Variants in BPTF observed in about 807,000 individuals in gnomAD.
The protein encoded by BPTF is nucleosome-remodeling factor subunit BPTF.
In BPTF, 18 loss-of-function variants were observed where a neutral mutation model predicts 292.5. The observed-to-expected ratio is 0.06, with a 90% CI of 0.04 to 0.09. The LOEUF is 0.09. BPTF is among the 10% of genes least tolerant of loss of function. BPTF has a pLI of 1.00. For synonymous variants in BPTF, 1,225 were observed against 1,251.9 expected (o/e 0.98, Z 0.45); for missense variants, 2,726 against 3,498.7 (o/e 0.78, Z 5.57).
At chr17:67,907,160 G>C (rs1015597864) in intron 9 of BPTF, among the ~76,000 whole-genome samples, 4 of 150,176 alleles carry the variant, frequency 2.7e-5, no homozygotes, top group African/African-American at 9.8e-5. Flanking sequence ...GCTCCAGCCT[G>C]GGTGACAGAG....
At chr17:67,853,167 TCA>T (rs2058511534) in intron 1 of BPTF, among the ~76,000 whole-genome samples, 1 of 152,198 alleles carries the variant, frequency 6.6e-6, no homozygotes, top group African/African-American at 2.4e-5. Context: ...AACAAAACTC[TCA>T]GTTATTTATA....
intron 9 of BPTF, among the ~76,000 whole-genome samples, chr17:67,907,210 T>G (rs6504551): frequency 0.39 from 55,371 of 141,784 alleles, 12,930 homozygotes; most frequent in East Asian, 0.71. Context: ...AACCTTTAAG[T>G]CCCAAGAATA....
At chr17:67,895,335 A>C (rs2061370142) in intron 7 of BPTF, among the ~76,000 whole-genome samples, 2 of 112,236 alleles carry the variant, frequency 1.8e-5, no homozygotes, top group African/African-American at 1.2e-4. Context: ...TTCATCTCAA[A>C]AAAAAAAAAA....
In BPTF at chr17:67,826,096, G is replaced by A. The variant is rs557024472; in HGVS notation, c.372G>A (p.Val124=). 1 of 1,374,688 alleles carries A rather than the reference G, an allele frequency of 7.3e-7. No individual in the cohort carries two copies. The highest frequency in any genetic ancestry group is 1.0e-6 in the Non-Finnish European group (1 of 984,426). The allele number at this position is 1,374,688 out of a possible 1,614,324, so 85.2% of individuals were successfully genotyped here. ...TTAARRAVNK[V]VYDDHESEEE... ...CGGCCCGGAGGGCCGTCAACAAAGT[G>A]GTGTACGATGACCACGAGAGCGAGG... Residue 124 remains valine, a synonymous_variant, in exon 1 of 28, where the codon GTG becomes GTA. Transcript: ENST00000306378.
intron 27 of BPTF, among the ~76,000 whole-genome samples, chr17:67,977,454 G>A (rs2069637919): frequency 6.6e-6 from 1 of 152,040 alleles, no homozygotes; most frequent in East Asian, 1.9e-4. Flanking sequence ...GGCACAGGCT[G>A]CAGTGAGCTG....
intron 4 of BPTF, among the ~76,000 whole-genome samples, chr17:67,882,124 C>T (rs1241187735): frequency 1.3e-5 from 2 of 152,100 alleles, no homozygotes; most frequent in Admixed American, 6.6e-5. Flanking sequence ...CGTGAGCTAC[C>T]GTGCTGGCCG....
intron 20 of BPTF, 69 bp downstream of exon 20, chr17:67,944,441 C>A: frequency 6.6e-7 from 1 of 1,514,664 alleles, no homozygotes; most frequent in South Asian, 1.2e-5. Flanking sequence ...CAGAGGCCAA[C>A]AGGAGAACCA....
At chr17:67,886,172 A>T in intron 4 of BPTF, 3 of 1,613,290 alleles carry the variant, frequency 1.9e-6, no homozygotes, top group Non-Finnish European at 2.5e-6. Flanking sequence ...TAGTGCTACC[A>T]CTACCTCCAT....
chr17:67,850,961 C>T (rs537347687), intron 1 of BPTF, among the ~76,000 whole-genome samples: 1 of 152,070 alleles, frequency 6.6e-6, no homozygotes, highest in South Asian at 2.1e-4. Flanking sequence ...ATATAATAAA[C>T]AAATGATATA....
At chr17:67,886,291 A>G (rs2060743427) in intron 4 of BPTF, 1 of 1,613,094 alleles carries the variant, frequency 6.2e-7, no homozygotes, top group Non-Finnish European at 8.5e-7. Flanking sequence ...AATCTCATAC[A>G]CCTGTCTCTA....
intron 4 of BPTF, among the ~76,000 whole-genome samples, chr17:67,876,353 C>T (rs909319241): frequency 1.3e-5 from 2 of 152,276 alleles, no homozygotes; most frequent in East Asian, 3.9e-4. Context: ...CTTATGGGGA[C>T]GACTTCCATT....
intron 17 of BPTF, among the ~76,000 whole-genome samples, chr17:67,930,279 A>G (rs1005090836): frequency 6.6e-6 from 1 of 151,946 alleles, no homozygotes; most frequent in Admixed American, 6.6e-5. Context: ...GCTCACTGCA[A>G]ACTCCACCTC....
intron 4 of BPTF, among the ~76,000 whole-genome samples, chr17:67,879,615 C>T (rs917830521): frequency 6.6e-6 from 1 of 152,070 alleles, no homozygotes; most frequent in Non-Finnish European, 1.5e-5. Flanking sequence ...AAAGAGATTT[C>T]TTTGGCTATG....
Position 67,854,700 on chromosome 17 carries a change from T to C in BPTF, c.1374T>C (p.His458=), listed in dbSNP as rs2058589751. 1 of 1,614,194 alleles carries C rather than the reference T, an allele frequency of 6.2e-7. No homozygotes were observed. Among genetic ancestry groups the C allele is most frequent in the Non-Finnish European group, 8.5e-7 (1 of 1,180,038 alleles). The change falls in exon 2 of 28, where the codon CAT becomes CAC. Residue 458 remains histidine (H), a synonymous_variant. Coordinates refer to ENST00000306378, the MANE Select transcript of BPTF (RefSeq NM_182641.4). The surrounding 1 kb of genome is among the most constrained non-coding windows in gnomAD (Gnocchi z 5.6). Reference sequence around the variant, plus strand: ...AAAAAAATAAACCATATATTCGACATGAACCTATTGGATATGATAGAAGTC... The same window carrying C: ...AAAAAAATAAACCATATATTCGACACGAACCTATTGGATATGATAGAAGTC... ...EIQKNKPYIR[H]EPIGYDRSRR...
chr17:67,841,098 A>G (rs1158503906), intron 1 of BPTF, among the ~76,000 whole-genome samples: 2 of 151,854 alleles, frequency 1.3e-5, no homozygotes, highest in African/African-American at 4.8e-5. Context: ...AGCTTGCCAG[A>G]TTTTTTTGGT....
intron 7 of BPTF, among the ~76,000 whole-genome samples, chr17:67,896,927 T>C (rs2061487995): frequency 6.6e-6 from 1 of 152,064 alleles, no homozygotes; most frequent in Non-Finnish European, 1.5e-5. Flanking sequence ...TGAGCAAATA[T>C]GATGAAATAG....
At chr17:67,874,410 T>G (rs2059934310) in intron 3 of BPTF, among the ~76,000 whole-genome samples, 2 of 152,150 alleles carry the variant, frequency 1.3e-5, no homozygotes. Flanking sequence ...CTAATCCAAG[T>G]CAGATTTGCA....
At chr17:67,955,261 G>A (rs1344758705) in intron 23 of BPTF, 8 of 145,186 alleles carry the variant, frequency 5.5e-5, no homozygotes, top group African/African-American at 2.2e-4. Context: ...CTGGGCGACA[G>A]AGCCAGACTC....
intron 20 of BPTF, among the ~76,000 whole-genome samples, chr17:67,944,931 G>A (rs1434392918): frequency 7.6e-5 from 8 of 105,342 alleles, no homozygotes; most frequent in Admixed American, 5.2e-4. Context: ...AAGAAGCAGG[G>A]CCCAGGCTTC....
Sources: allele counts gnomAD v4.1 joint callset (sites outside exome capture counted in the v4.1 genomes callset), GRCh38; gene constraint gnomAD v4.1.1; non-coding constraint Gnocchi (gnomAD v3.1); transcripts MANE v1.5; gene names NCBI Gene and HGNC (gene_info 2026-07-23, HGNC 2026-07-21).